Variants in C4orf50 observed in about 807,000 individuals in gnomAD.
C4orf50 encodes uncharacterized protein C4orf50.
A neutral mutation model predicts 77.2 loss-of-function variants in C4orf50; 80 were observed. The observed-to-expected ratio is 1.04, with a 90% confidence interval of 0.87 to 1.25. The LOEUF (loss-of-function observed/expected upper bound fraction) is 1.25, where lower values mean the gene tolerates loss of function less well. Among genes scored for constraint, C4orf50 ranks in the 50% most tolerant of loss-of-function variants. The pLI, the probability that C4orf50 is intolerant of heterozygous loss-of-function variation, is 0.00. For synonymous variants in C4orf50, 532 were observed against 465.3 expected (o/e 1.14, Z -1.84); for missense variants, 1,257 against 1,152.9 (o/e 1.09, Z -1.31).
At chr4:5,951,737 C>T (rs1164850999) in intron 7 of C4orf50, among the ~76,000 whole-genome samples, 1 of 152,176 alleles carries the variant, frequency 6.6e-6, no homozygotes, top group African/African-American at 2.4e-5. Flanking sequence ...GCCCTCCACA[C>T]TTCCTGTTTC....
Position 5,970,808 on chromosome 4 carries a change from C to T in C4orf50, c.4104+2851G>A, listed in dbSNP as rs1719865860. On this transcript the variant is annotated intron_variant, in intron 31 of 33. Coordinates refer to ENST00000531445, the Ensembl canonical transcript of C4orf50. The surrounding 1 kb of genome is among the most constrained non-coding windows in gnomAD (Gnocchi z 4.3). ...CAAGGCCCAGCCCCCACCCCCTCAACAGCCCTGGGACATGCTGAGGCTCAG... is the reference window on the plus strand; with the variant it reads ...CAAGGCCCAGCCCCCACCCCCTCAATAGCCCTGGGACATGCTGAGGCTCAG... Among the ~76,000 whole-genome samples, 1 of 152,228 alleles carries T rather than the reference C, an allele frequency of 6.6e-6. No homozygotes were observed. The highest frequency in any genetic ancestry group is 2.1e-4 in the South Asian group (1 of 4,834).
intron 7 of C4orf50, chr4:5,903,495 C>G (rs2152479975): frequency 6.6e-6 from 1 of 152,242 alleles, no homozygotes; most frequent in East Asian, 1.9e-4. Context: ...ACACATGCTG[C>G]CACATGAACC....
chr4:5,973,417 G>T (rs544713266), intron 31 of C4orf50, among the ~76,000 whole-genome samples: 1 of 152,208 alleles, frequency 6.6e-6, no homozygotes, highest in African/African-American at 2.4e-5. Flanking sequence ...CACTGTTTAC[G>T]TCTGTGCCTT....
intron 26 of C4orf50, among the ~76,000 whole-genome samples, chr4:5,993,192 C>T (rs955163970): frequency 4.6e-5 from 7 of 152,160 alleles, no homozygotes; most frequent in East Asian, 1.9e-4. Flanking sequence ...GACTCCTGCA[C>T]GGGACAAAAT....
At chr4:5,942,669 C>T (rs1189761396) in intron 7 of C4orf50, among the ~76,000 whole-genome samples, 1 of 152,198 alleles carries the variant, frequency 6.6e-6, no homozygotes, top group Non-Finnish European at 1.5e-5. Context: ...CTGCTCTTAT[C>T]CCCATTTTAT....
At chr4:5,966,755 T>C (rs1719595335) in intron 32 of C4orf50, among the ~76,000 whole-genome samples, 1 of 151,510 alleles carries the variant, frequency 6.6e-6, no homozygotes, top group Non-Finnish European at 1.5e-5. Flanking sequence ...GTTCCAGCCA[T>C]TCTCCTGCCT....
At chr4:5,902,172 A>T (rs1335408087) in intron 7 of C4orf50, 2 of 152,144 alleles carry the variant, frequency 1.3e-5, no homozygotes, top group African/African-American at 4.8e-5. Flanking sequence ...TTTTTTGAAG[A>T]TATTTGGAAA....
chr4:5,978,116 G>C (rs1044944883), intron 29 of C4orf50, among the ~76,000 whole-genome samples: 5 of 152,184 alleles, frequency 3.3e-5, no homozygotes, highest in African/African-American at 1.2e-4. Context: ...AAACCAATGA[G>C]AGACAATCTC....
At chr4:5,912,159 T>C (rs1372287113) in intron 7 of C4orf50, among the ~76,000 whole-genome samples, 2 of 152,182 alleles carry the variant, frequency 1.3e-5, no homozygotes, top group Non-Finnish European at 2.9e-5. Flanking sequence ...ACTCCTACTA[T>C]GGCTGATTTT....
At chr4:5,962,276 C>T (rs1056755196) in intron 33 of C4orf50, among the ~76,000 whole-genome samples, 1 of 152,184 alleles carries the variant, frequency 6.6e-6, no homozygotes, top group African/African-American at 2.4e-5. Flanking sequence ...ACTGAAGTCC[C>T]CTATGGACTT....
chr4:5,991,457 GA>G (rs1166961012), intron 27 of C4orf50, among the ~76,000 whole-genome samples: 2 of 152,194 alleles, frequency 1.3e-5, no homozygotes, highest in African/African-American at 2.4e-5. Context: ...CCTGGGCCTA[GA>G]ACAGTGCTGG....
In C4orf50 at chr4:5,948,208, A is replaced by G. The variant is rs534792088; in HGVS notation, c.*2474+8693T>C. On this transcript the variant is annotated intron_variant, in intron 7 of 7. Transcript: ENST00000324058. ...GCACATAAGCTTTGCAGGTGCGAAA[A>G]TTCAATTAACTGAGGAACTGAAGAG... is the stretch of plus-strand genomic sequence containing the variant. Among the ~76,000 whole-genome samples the G allele has an allele frequency of 2.0e-5, 3 of 152,344 alleles. 1 individual carries two copies. In the South Asian group the frequency reaches 6.2e-4, roughly 32 times the overall value.
intron 30 of C4orf50, among the ~76,000 whole-genome samples, chr4:5,975,355 G>A (rs919146398): frequency 6.6e-5 from 10 of 152,188 alleles, no homozygotes; most frequent in African/African-American, 1.4e-4. Flanking sequence ...TCACCCCATC[G>A]AGTGGGAACA....
intron 25 of C4orf50, among the ~76,000 whole-genome samples, chr4:6,004,051 A>G (rs148472043): frequency 2.6e-3 from 136 of 51,432 alleles, no homozygotes; most frequent in South Asian, 6.6e-3. Context: ...GGTGATGGTG[A>G]TGATGGTGAT....
chr4:5,903,625 GC>G (rs1716427461), intron 7 of C4orf50: 1 of 152,154 alleles, frequency 6.6e-6, no homozygotes, highest in African/African-American at 2.4e-5. Flanking sequence ...AAGGGTGGGT[GC>G]CAGCAGCTGT....
exon 34 of C4orf50, chr4:5,959,403 T>G (rs777693019): frequency 1.2e-6 from 2 of 1,614,090 alleles, no homozygotes; most frequent in Non-Finnish European, 1.7e-6. Context: ...CGGTGATTTA[T>G]GGACCTGGGA....
intron 27 of C4orf50, among the ~76,000 whole-genome samples, chr4:5,991,568 C>G (rs988173297): frequency 5.9e-5 from 9 of 152,158 alleles, no homozygotes; most frequent in African/African-American, 2.2e-4. Flanking sequence ...CAGCAGAGGC[C>G]CCAGCTGGGC....
chr4:5,965,977 C>T (rs949237582), intron 32 of C4orf50, among the ~76,000 whole-genome samples: 7 of 152,206 alleles, frequency 4.6e-5, no homozygotes, highest in Non-Finnish European at 7.3e-5. Context: ...ACGTTCTACA[C>T]GTTTTATCGT....
intron 28 of C4orf50, among the ~76,000 whole-genome samples, chr4:5,981,496 C>G (rs1720585744): frequency 6.6e-6 from 1 of 151,662 alleles, no homozygotes; most frequent in South Asian, 2.1e-4. Flanking sequence ...CCTCCGCCTC[C>G]CAGGTTCAAG....
Sources: gnomAD v4.1 joint callset for allele counts (sites outside exome capture counted in the v4.1 genomes callset) on GRCh38, gnomAD v4.1.1 for gene constraint, Gnocchi (gnomAD v3.1) non-coding constraint, MANE v1.5 for transcripts, NCBI Gene and HGNC (gene_info 2026-07-23, HGNC 2026-07-21) for gene names.